SORCS2: variants seen among roughly 807,000 people sequenced by gnomAD.
The protein encoded by SORCS2 is VPS10 domain-containing receptor SorCS2.
In SORCS2, 100 loss-of-function variants were observed where a neutral mutation model predicts 141.6. That is an observed-to-expected ratio of 0.71 (90% confidence interval 0.60 to 0.83). The LOEUF is 0.83. Ranked by LOEUF, SORCS2 falls within the 40% of genes least tolerant of loss-of-function variation. SORCS2 has a pLI of 0.00. For missense variants in SORCS2, 1,646 were observed against 1,560.2 expected (o/e 1.05, Z -0.93); for synonymous variants, 789 against 676.9 (o/e 1.17, Z -2.57).
intron 4 of SORCS2, among the ~76,000 whole-genome samples, chr4:7,639,163 G>C (rs1720470453): frequency 6.6e-6 from 1 of 152,222 alleles, no homozygotes. Flanking sequence ...GCAGCCGTGG[G>C]AACAAATGGC....
chr4:7,540,004 C>T (rs1162739339), intron 3 of SORCS2, among the ~76,000 whole-genome samples: 2 of 150,914 alleles, frequency 1.3e-5, no homozygotes, highest in Admixed American at 6.6e-5. Flanking sequence ...CACTCCCTCC[C>T]TGTTATGGAG....
At chr4:7,569,170 C>A (rs530608993) in intron 3 of SORCS2, among the ~76,000 whole-genome samples, 1 of 152,162 alleles carries the variant, frequency 6.6e-6, no homozygotes, top group East Asian at 1.9e-4. Context: ...GAAGTGATTA[C>A]GGCAGGAAGT....
intron 1 of SORCS2, among the ~76,000 whole-genome samples, chr4:7,331,895 T>C (rs1373931284): frequency 6.6e-6 from 1 of 152,160 alleles, no homozygotes; most frequent in East Asian, 1.9e-4. Flanking sequence ...CTGTCTGAGA[T>C]GTCGCAGGCA....
At chr4:7,471,009 A>G (rs1449472686) in intron 2 of SORCS2, among the ~76,000 whole-genome samples, 2 of 152,172 alleles carry the variant, frequency 1.3e-5, no homozygotes, top group East Asian at 1.9e-4. Context: ...ACCAGGAGCA[A>G]CAGTCTGAGC....
chr4:7,284,027 C>T (rs1302349195), intron 1 of SORCS2, among the ~76,000 whole-genome samples: 1 of 152,188 alleles, frequency 6.6e-6, no homozygotes, highest in African/African-American at 2.4e-5. Context: ...GTTACTACAG[C>T]GTCTGATCTG....
At chr4:7,259,315 C>T (rs1270971499) in intron 1 of SORCS2, among the ~76,000 whole-genome samples, 1 of 152,166 alleles carries the variant, frequency 6.6e-6, no homozygotes, top group Non-Finnish European at 1.5e-5. Context: ...CCGCAGAGTT[C>T]AATTCCATGA....
At chr4:7,228,202 G>C (rs771702511) in intron 1 of SORCS2, among the ~76,000 whole-genome samples, 1 of 152,176 alleles carries the variant, frequency 6.6e-6, no homozygotes, top group African/African-American at 2.4e-5. Flanking sequence ...CGGCATCCTC[G>C]TATGTGCCTG....
chr4:7,692,971 T>C (rs1471460381), intron 11 of SORCS2, among the ~76,000 whole-genome samples: 2 of 151,986 alleles, frequency 1.3e-5, no homozygotes, highest in Non-Finnish European at 2.9e-5. Context: ...TAGAAGGGGA[T>C]GGATTTGAGA....
chr4:7,393,163 CTCT>C (rs1285020101), intron 1 of SORCS2, among the ~76,000 whole-genome samples: 1 of 152,112 alleles, frequency 6.6e-6, no homozygotes, highest in Non-Finnish European at 1.5e-5. Flanking sequence ...ACAGCAGTAG[CTCT>C]TCTTTCCTCG....
chr4:7,495,790 G>C (rs1731578977), intron 2 of SORCS2, among the ~76,000 whole-genome samples: 1 of 152,218 alleles, frequency 6.6e-6, no homozygotes, highest in Non-Finnish European at 1.5e-5. Context: ...TCAGCCCCCT[G>C]ATTGAGTCTG....
chr4:7,305,302 A>G (rs556461145), intron 1 of SORCS2, among the ~76,000 whole-genome samples: 123 of 151,120 alleles, frequency 8.1e-4, no homozygotes, highest in Non-Finnish European at 1.5e-3. Context: ...AAGTGCTGGG[A>G]TCACAGGCGT....
At chr4:7,479,723 C>T (rs13353623) in intron 2 of SORCS2, among the ~76,000 whole-genome samples, 18,318 of 152,250 alleles carry the variant, frequency 0.12, 1,509 homozygotes, top group African/African-American at 0.24. Context: ...GGCCCCAGGA[C>T]GCTGAGCCCC....
chr4:7,437,500 G>A (rs896892702), intron 2 of SORCS2, among the ~76,000 whole-genome samples: 2 of 152,110 alleles, frequency 1.3e-5, no homozygotes, highest in South Asian at 4.1e-4. Flanking sequence ...AGAGGCCAGG[G>A]GGTGGGGCTG....
chr4:7,706,789 T>C (rs1189106152), intron 14 of SORCS2, among the ~76,000 whole-genome samples: 6 of 132,382 alleles, frequency 4.5e-5, no homozygotes, highest in South Asian at 2.5e-4. Context: ...CTGGGCTCTG[T>C]CTGGGCAGGG....
chr4:7,600,703 A>G (rs1717613029), intron 3 of SORCS2, among the ~76,000 whole-genome samples: 1 of 151,442 alleles, frequency 6.6e-6, no homozygotes, highest in African/African-American at 2.4e-5. Context: ...ACACACGATT[A>G]AAATGCTATA....
At chr4:7,494,582 C>T (rs1025220904) in intron 2 of SORCS2, among the ~76,000 whole-genome samples, 1 of 152,188 alleles carries the variant, frequency 6.6e-6, no homozygotes, top group African/African-American at 2.4e-5. Context: ...GACCAGGGCC[C>T]TACCCTCATG....
chr4:7,727,826 G>A (rs369395202), intron 21 of SORCS2, among the ~76,000 whole-genome samples: 1 of 152,176 alleles, frequency 6.6e-6, no homozygotes, highest in East Asian at 1.9e-4. Context: ...TTAGAATTGG[G>A]CTTTGAGCCA....
intron 2 of SORCS2, among the ~76,000 whole-genome samples, chr4:7,530,082 C>G (rs2109540105): frequency 6.6e-6 from 1 of 152,344 alleles, no homozygotes; most frequent in South Asian, 2.1e-4. Context: ...GATAAACAGT[C>G]CATTTTTCTG....
At chr4:7,604,079 G>GGT (rs972296966) in intron 3 of SORCS2, among the ~76,000 whole-genome samples, 16 of 151,774 alleles carry the variant, frequency 1.1e-4, no homozygotes, top group East Asian at 1.9e-4. Context: ...GTGAGGCTCT[G>GGT]GTGTGTGTGT....
Sources: gnomAD v4.1 joint callset for allele counts (sites outside exome capture counted in the v4.1 genomes callset) on GRCh38, gnomAD v4.1.1 for gene constraint, MANE v1.5 for transcripts, NCBI Gene and HGNC (gene_info 2026-07-23, HGNC 2026-07-21) for gene names.